The following C9orf78 variants were observed in gnomAD, a reference collection of about 807,000 sequenced individuals.
C9orf78 encodes the protein splicing factor C9orf78.
In C9orf78, 19 loss-of-function variants were observed where a neutral mutation model predicts 37.4. The observed-to-expected ratio is 0.51, with a 90% CI of 0.35 to 0.74. The LOEUF is 0.74. Among genes scored for constraint, C9orf78 ranks in the 30% least tolerant of loss-of-function variants. The probability of loss-of-function intolerance (pLI) is 0.01; values close to 1 mark genes in which losing one functional copy is unlikely to be tolerated. For missense variants in C9orf78, 291 were observed against 370.8 expected, an observed-to-expected ratio of 0.78 and a Z score of 1.77; for synonymous variants, 130 against 128.0, an observed-to-expected ratio of 1.02 and a Z score of -0.10.
At position 129,828,134 on chromosome 9, in the gene C9orf78, C is replaced by G. The variant is rs1379859924; in HGVS notation, c.*27G>C. ...TGGGAGGGATATAGGGAGAGGAAGG[C>G]GATATTTACATCCCACTCTGCACAA... On this transcript the variant is annotated 3_prime_UTR_variant, in exon 9 of 9. Coordinates refer to ENST00000372447, the MANE Select transcript of C9orf78 (RefSeq NM_016520.3). The G allele has an allele frequency of 2.3e-6, 3 of 1,315,320 alleles. No homozygotes were observed. Among genetic ancestry groups the G allele is most frequent in the Admixed American group, 1.7e-5 (1 of 58,980 alleles). 81.5% of individuals were successfully genotyped at this position (1,315,320 alleles called of 1,614,324 possible). A position where few individuals can be genotyped will look rare whatever the true frequency, so the allele number is the denominator to read the frequency against.
In C9orf78 at chr9:129,834,885, C is replaced by T. The variant is rs979228693; in HGVS notation, c.84-119G>A. Reference sequence around the variant, plus strand: ...CCCAGCCCAGCTACTGAGCCACCAGCACAGTGGTCCAGAGGACGACCTTGT... The same window carrying T: ...CCCAGCCCAGCTACTGAGCCACCAGTACAGTGGTCCAGAGGACGACCTTGT... On this transcript the variant is annotated intron_variant, in intron 1 of 8. Transcript: ENST00000372447. 8 of 812,312 alleles carry T rather than the reference C, an allele frequency of 9.8e-6. No homozygotes were observed. The Admixed American group carries it at 1.6e-4, about 16-fold the overall frequency. 50.3% of individuals were successfully genotyped at this position (812,312 alleles called of 1,614,324 possible). A position where few individuals can be genotyped will look rare whatever the true frequency, so the allele number is the denominator to read the frequency against.
At chr9:129,829,335 A>G (rs774602738) in intron 7 of C9orf78, 32 bp from the exon 8 acceptor site, 4 of 1,602,940 alleles carry the variant, frequency 2.5e-6, no homozygotes, top group Non-Finnish European at 3.4e-6. Context: ...GACACGTTAG[A>G]ACATGAGGTT....
chr9:129,832,027 G>A (rs765933051), intron 4 of C9orf78, 54 bp from the exon 5 acceptor site: 18 of 833,052 alleles, frequency 2.2e-5, no homozygotes, highest in Non-Finnish European at 3.6e-5. Context: ...CAATGAGGCT[G>A]AGTTTTATGT....
intron 6 of C9orf78, chr9:129,830,321 T>C (rs542789188): frequency 6.4e-6 from 1 of 157,008 alleles, no homozygotes; most frequent in Non-Finnish European, 1.4e-5. Flanking sequence ...GGTGCAATCA[T>C]GGCTCACTGT....
rs993999038 is a variant in C9orf78, at chr9:129,828,109, T to C, written c.*52A>G. On this transcript the variant is annotated 3_prime_UTR_variant, in exon 9 of 9. Coordinates refer to ENST00000372447, the MANE Select transcript of C9orf78 (RefSeq NM_016520.3). Reference sequence around the variant, plus strand: ...CGCCCGGCCAGGAAGCCATTTTTCATGGGAGGGATATAGGGAGAGGAAGGC... The same window carrying C: ...CGCCCGGCCAGGAAGCCATTTTTCACGGGAGGGATATAGGGAGAGGAAGGC... The C allele has an allele frequency of 6.4e-6, 7 of 1,090,776 alleles. No homozygotes were observed. The highest frequency in any genetic ancestry group is 1.4e-6 in the Non-Finnish European group (1 of 716,570). 67.6% of individuals were successfully genotyped at this position (1,090,776 alleles called of 1,614,324 possible).
intron 8 of C9orf78, 195 bp from the exon 9 acceptor site, chr9:129,828,447 G>A (rs2031403186): frequency 7.2e-6 from 3 of 417,890 alleles, no homozygotes; most frequent in African/African-American, 2.1e-5. Context: ...TTTTTGAGAT[G>A]GAGTCTCACC....
rs763698426 is a variant in C9orf78 at position 129,829,387 on chromosome 9, G to A, written c.679+18C>T. On this transcript the variant is annotated intron_variant, in intron 7 of 8. Coordinates refer to ENST00000372447, the MANE Select transcript of C9orf78 (RefSeq NM_016520.3). ...CAAATAGGGGAATGGGGGCAAGACT[G>A]CTCTCCGAGGGGCTTACATCTGTTG... 1 of 1,611,666 alleles carries A rather than the reference G, an allele frequency of 6.2e-7. No homozygotes were observed. Among genetic ancestry groups the A allele is most frequent in the East Asian group, 2.2e-5 (1 of 44,816 alleles).
rs557262132 is a variant in C9orf78 at position 129,827,578 on chromosome 9, A to C, written c.*583T>G. ...CCAGAGCAAATATTAAGAGAAAGAC[A>C]ATATATTTACAAACAAGATTTAATA... is the stretch of plus-strand genomic sequence containing the variant. On this transcript the variant is annotated 3_prime_UTR_variant, in exon 9 of 9. Transcript: ENST00000372447. 6.6e-6 allele frequency: 1 copy of C among 152,302 alleles called. No individual in the cohort carries two copies. Among genetic ancestry groups the C allele is most frequent in the South Asian group, 2.1e-4 (1 of 4,836 alleles). 9.4% of individuals were successfully genotyped at this position (152,302 alleles called of 1,614,324 possible).
intron 2 of C9orf78, 29 bp from the exon 3 acceptor site, chr9:129,833,738 G>A (rs1384918582): frequency 2.6e-6 from 4 of 1,561,446 alleles, no homozygotes; most frequent in South Asian, 2.2e-5. Flanking sequence ...AAAAGAGAGG[G>A]GGAGAGAGAG....
In C9orf78 at chr9:129,828,221, G is replaced by C. The variant is rs147768922; in HGVS notation, c.810C>G (p.Asn270Lys). The change falls in exon 9 of 9, where the codon AAC becomes AAG. Residue 270 changes from asparagine to lysine, a missense_variant. This residue lies in a region of C9orf78 where 120 missense variants were observed against 148.7 expected (regional missense o/e 0.81). Coordinates refer to ENST00000372447, the MANE Select transcript of C9orf78 (RefSeq NM_016520.3). ...AATGATAGTCATCAGTTGCCTTCTCGTTAGCAGGACGCTTGCGGTTAGGAG... is the reference window on the plus strand; with the variant it reads ...AATGATAGTCATCAGTTGCCTTCTCCTTAGCAGGACGCTTGCGGTTAGGAG... ...RSPPNRKRPANEKATDDYHYE... is the reference protein window; with the variant it reads ...RSPPNRKRPAKEKATDDYHYE... The C allele has an allele frequency of 5.0e-6, 8 of 1,606,856 alleles. No individual in the cohort carries two copies. The highest frequency in any genetic ancestry group is 1.1e-5 in the South Asian group (1 of 90,956).
chr9:129,835,161 C>T lies in C9orf78; in HGVS notation c.61G>A (p.Glu21Lys). Residue 21 changes from glutamate (E) to lysine (K), a missense_variant, in exon 1 of 9, where the codon GAG (glutamate) becomes AAG (lysine). Physicochemically the swap from Glu to Lys is moderately conservative, Grantham distance 56. Coordinates refer to ENST00000372447, the MANE Select transcript of C9orf78 (RefSeq NM_016520.3). Reference protein sequence around the residue: ...RRGDSESEEDEQDSEEVRLKL... With the variant: ...RRGDSESEEDKQDSEEVRLKL... ...CACCGAACCTCCTCTGAGTCCTGCTCATCTTCCTCTGACTCCGAGTCGCCC... is the reference window on the plus strand; with the variant it reads ...CACCGAACCTCCTCTGAGTCCTGCTTATCTTCCTCTGACTCCGAGTCGCCC... 1.9e-6 allele frequency: 3 copies of T among 1,611,776 alleles called. No individual in the cohort carries two copies. The highest frequency in any genetic ancestry group is 2.5e-6 in the Non-Finnish European group (3 of 1,179,002).
At chr9:129,828,818 ACT>A in intron 8 of C9orf78, 1 of 347,804 alleles carries the variant, frequency 2.9e-6, no homozygotes, top group South Asian at 2.4e-5. Flanking sequence ...GCAGCCTTGA[ACT>A]CTTAGTCTCA....
At chr9:129,828,335 G>C in intron 8 of C9orf78, 83 bp from the exon 9 acceptor site, 1 of 818,282 alleles carries the variant, frequency 1.2e-6, no homozygotes, top group Non-Finnish European at 2.1e-6. Flanking sequence ...AAAGACAACT[G>C]CCTGTTTCCT....
intron 3 of C9orf78, 44 bp downstream of exon 3, chr9:129,833,614 A>G (rs764657416): frequency 6.7e-7 from 1 of 1,498,590 alleles, no homozygotes; most frequent in Non-Finnish European, 9.3e-7. Context: ...AGAGCACTGC[A>G]GGGAGGGCTG....
intron 4 of C9orf78, among the ~76,000 whole-genome samples, chr9:129,833,015 G>GTATATACATGTGTGTGTATA (rs150955426): frequency 5.4e-5 from 8 of 149,156 alleles, no homozygotes; most frequent in African/African-American, 1.7e-4. Flanking sequence ...GTGTGTGTGT[G>GTATATACATGTGTGTGTATA]TATATGTGTA....
In C9orf78 at chr9:129,834,702, C is replaced by G; in HGVS notation, c.143+5G>C. On this transcript the variant is annotated splice_donor_5th_base_variant and intron_variant, in intron 2 of 8. Coordinates refer to ENST00000372447, the MANE Select transcript of C9orf78 (RefSeq NM_016520.3). The stretch of plus-strand genomic sequence containing the variant: ...GCCTCCTCCTCCTCCCCGCGTGGTA[C>G]CCACCTCACCCCGTTGGGCCTCTTC... 1.2e-6 allele frequency: 2 copies of G among 1,606,890 alleles called. No homozygotes were observed. Among genetic ancestry groups the G allele is most frequent in the East Asian group, 4.5e-5 (2 of 44,800 alleles).
chr9:129,829,659 C>A, intron 6 of C9orf78, 118 bp from the exon 7 acceptor site: 9 of 821,276 alleles, frequency 1.1e-5, no homozygotes, highest in Non-Finnish European at 1.4e-5. Context: ...TGGGGCACAG[C>A]TCTCCACTTT....
chr9:129,835,169 T>C lies in C9orf78; in HGVS notation c.53A>G (p.Glu18Gly), dbSNP rs201516060. The C allele has an allele frequency of 8.7e-6, 14 of 1,611,448 alleles. No homozygotes were observed. In the African/African-American group the frequency reaches 1.6e-4, roughly 19 times the overall value. ...FRRRRGDSES[E>G]EDEQDSEEVR... is the part of the protein sequence containing the mutation. The stretch of plus-strand genomic sequence containing the variant: ...CTCCTCTGAGTCCTGCTCATCTTCC[T>C]CTGACTCCGAGTCGCCCCGGCGGCG... Residue 18 changes from glutamate to glycine, a missense_variant, in exon 1 of 9, where the codon GAG (glutamate) becomes GGG (glycine). Physicochemically the swap from Glu to Gly is moderately conservative, Grantham distance 98 (BLOSUM62 -2). Transcript: ENST00000372447.
intron 5 of C9orf78, chr9:129,831,320 C>CA: frequency 2.0e-6 from 1 of 504,154 alleles, no homozygotes; most frequent in Non-Finnish European, 3.5e-6. Flanking sequence ...GATAGTTTGC[C>CA]AATAGCTTTG....
Sources: allele counts gnomAD v4.1 joint callset (sites outside exome capture counted in the v4.1 genomes callset), GRCh38; gene constraint gnomAD v4.1.1; regional missense constraint gnomAD v4.1.1; transcripts MANE v1.5; gene names NCBI Gene and HGNC (gene_info 2026-07-23, HGNC 2026-07-21).